CYP20A1: variants seen among roughly 807,000 people sequenced by gnomAD.
CYP20A1 encodes cytochrome P450 20A1.
CYP20A1 carries 61 observed loss-of-function variants against 61.4 expected under a neutral mutation model. That is an observed-to-expected ratio of 0.99 (90% CI 0.81 to 1.23). The LOEUF (loss-of-function observed/expected upper bound fraction) is 1.23, where lower values mean the gene tolerates loss of function less well. CYP20A1 is among the 50% of genes most tolerant of loss of function. CYP20A1 has a pLI of 0.00. For synonymous variants in CYP20A1, 193 were observed against 188.2 expected (o/e 1.03, Z -0.21); for missense variants, 530 against 542.4 (o/e 0.98, Z 0.23).
intron 7 of CYP20A1, among the ~76,000 whole-genome samples, chr2:203,279,304 A>G (rs1018730238): frequency 3.9e-5 from 6 of 152,210 alleles, no homozygotes; most frequent in Non-Finnish European, 8.8e-5. Flanking sequence ...TGGTAGTACA[A>G]GTACTTGGTC....
rs914474886 is a variant in CYP20A1 at position 203,302,088 on chromosome 2, G to A, written c.*5180G>A. ...TTGCAAACATGTGCCACCACACCTG[G>A]CTAATTTTTGTGTTTTTAGTACAGA... On this transcript the variant is annotated 3_prime_UTR_variant, in exon 13 of 13. Coordinates refer to ENST00000356079, the MANE Select transcript of CYP20A1 (RefSeq NM_177538.3). Among the ~76,000 whole-genome samples, 2 of 152,040 alleles carry A rather than the reference G, an allele frequency of 1.3e-5. No individual in the cohort carries two copies. Among genetic ancestry groups the A allele is most frequent in the African/African-American group, 4.8e-5 (2 of 41,406 alleles).
chr2:203,288,486 G>A (rs534362715), intron 9 of CYP20A1, among the ~76,000 whole-genome samples: 1 of 151,938 alleles, frequency 6.6e-6, no homozygotes, highest in African/African-American at 2.4e-5. Context: ...CATCCTTTAT[G>A]TCCTATCCAA....
chr2:203,268,527 A>G (rs1370813864), intron 5 of CYP20A1, among the ~76,000 whole-genome samples: 1 of 151,974 alleles, frequency 6.6e-6, no homozygotes, highest in East Asian at 1.9e-4. Flanking sequence ...TTTTCTTAAT[A>G]TTACTAAAAG....
intron 4 of CYP20A1, among the ~76,000 whole-genome samples, chr2:203,257,556 G>A (rs1041245340): frequency 6.6e-6 from 1 of 151,904 alleles, no homozygotes; most frequent in Admixed American, 6.6e-5. Flanking sequence ...TTGGGGGGCC[G>A]ACGCAGGTGG....
chr2:203,242,714 C>T (rs765934759), intron 1 of CYP20A1, among the ~76,000 whole-genome samples: 1 of 151,804 alleles, frequency 6.6e-6, no homozygotes, highest in Non-Finnish European at 1.5e-5. Context: ...TCGCTTGAGC[C>T]TGGGAGATCG....
In CYP20A1 at chr2:203,285,661, A is replaced by C; in HGVS notation, c.900A>C (p.Lys300Asn). ...TAACCACCTCTGAAGAAGTTCAAAA[A>C]AAATTATATGAAGAGATAAACCAAG... The part of the protein sequence containing the change: ...CFLTTSEEVQ[K>N]KLYEEINQVF... The change falls in exon 9 of 13, where the codon AAA becomes AAC. Residue 300 changes from lysine to asparagine, a missense_variant. Transcript: ENST00000356079. 6.2e-7 allele frequency: 1 copy of C among 1,606,740 alleles called. No homozygotes were observed. Among genetic ancestry groups the C allele is most frequent in the Non-Finnish European group, 8.5e-7 (1 of 1,178,422 alleles).
Position 203,266,773 on chromosome 2 carries a change from G to A in CYP20A1, c.600+92G>A, listed in dbSNP as rs538836813. 1.1e-5 allele frequency: 12 copies of A among 1,074,972 alleles called. No homozygotes were observed. In the South Asian group the frequency reaches 1.1e-4, roughly 10 times the overall value. 66.6% of individuals were successfully genotyped at this position (1,074,972 alleles called of 1,614,324 possible). ...CAGCACTTTGGGAGGCTGCAGTCAG[G>A]AGTTAAAGACCAGCCTGCCCCACAT... On this transcript the variant is annotated intron_variant, in intron 5 of 12. Coordinates refer to ENST00000356079, the MANE Select transcript of CYP20A1 (RefSeq NM_177538.3).
rs1484367066 is a variant in CYP20A1, at chr2:203,305,837, G to T, written c.*8929G>T. 6.6e-6 allele frequency among the ~76,000 whole-genome samples: 1 copy of T among 152,072 alleles called. No individual in the cohort carries two copies. Among genetic ancestry groups the T allele is most frequent in the Non-Finnish European group, 1.5e-5 (1 of 68,014 alleles). ...ACATAGAATAAAGGAAATTATTAAT[G>T]TTACTTAATAGTTTAAAAAAATTCA... On this transcript the variant is annotated 3_prime_UTR_variant, in exon 13 of 13. Transcript: ENST00000356079.
At chr2:203,276,462 A>G (rs1013314959) in intron 6 of CYP20A1, among the ~76,000 whole-genome samples, 1 of 152,166 alleles carries the variant, frequency 6.6e-6, no homozygotes, top group Non-Finnish European at 1.5e-5. Context: ...TAAACCAGGC[A>G]TGAGAGATAA....
chr2:203,253,095 T>C (rs1177451636), intron 4 of CYP20A1, among the ~76,000 whole-genome samples: 1 of 151,966 alleles, frequency 6.6e-6, no homozygotes, highest in African/African-American at 2.4e-5. Context: ...TCATATGAAT[T>C]GACGAGCCAC....
intron 4 of CYP20A1, among the ~76,000 whole-genome samples, chr2:203,258,429 C>T (rs1203489780): frequency 6.6e-6 from 1 of 150,870 alleles, no homozygotes; most frequent in Non-Finnish European, 1.5e-5. Context: ...ATGTTGAATG[C>T]CATTTTTCCC....
chr2:203,269,889 A>G (rs1344548752), intron 5 of CYP20A1, among the ~76,000 whole-genome samples: 1 of 152,130 alleles, frequency 6.6e-6, no homozygotes, highest in East Asian at 1.9e-4. Flanking sequence ...TCAGCCTCCC[A>G]AAGTGCTGGG....
At chr2:203,269,096 G>A (rs1333052827) in intron 5 of CYP20A1, among the ~76,000 whole-genome samples, 1 of 152,048 alleles carries the variant, frequency 6.6e-6, no homozygotes, top group Non-Finnish European at 1.5e-5. Context: ...CAATATTAGT[G>A]TGCTCTTACT....
chr2:203,252,529 G>C (rs1352339075), intron 4 of CYP20A1, among the ~76,000 whole-genome samples: 3 of 151,932 alleles, frequency 2.0e-5, no homozygotes, highest in African/African-American at 7.3e-5. Flanking sequence ...CTAGTAGCTG[G>C]GATTACAGGT....
At chr2:203,245,424 G>T (rs1218156435) in intron 1 of CYP20A1, among the ~76,000 whole-genome samples, 1 of 151,434 alleles carries the variant, frequency 6.6e-6, no homozygotes, top group Admixed American at 6.6e-5. Context: ...TATCAAGGGG[G>T]TTTGTTGTAC....
intron 8 of CYP20A1, among the ~76,000 whole-genome samples, chr2:203,282,332 A>G (rs2068077189): frequency 6.6e-6 from 1 of 151,804 alleles, no homozygotes; most frequent in African/African-American, 2.4e-5. Context: ...GCCTTATTCA[A>G]CCTTTTTTTA....
At position 203,246,867 on chromosome 2, in the gene CYP20A1, G is replaced by T. The variant is rs201628887; in HGVS notation, c.235G>T (p.Val79Phe). Residue 79 changes from valine to phenylalanine, a missense_variant, in exon 3 of 13, where the codon GTT becomes TTT. Transcript: ENST00000356079. The stretch of plus-strand genomic sequence containing the variant: ...CTTCTGGTTTGGCAGGCGCCTCGTG[G>T]TTAGTTTGGGCACTGTTGATGTACT... The part of the protein sequence containing the change: ...VSFWFGRRLV[V>F]SLGTVDVLKQ... 6.2e-7 allele frequency: 1 copy of T among 1,614,050 alleles called. No homozygotes were observed. The highest frequency in any genetic ancestry group is 8.5e-7 in the Non-Finnish European group (1 of 1,180,032).
At chr2:203,269,279 A>ATTTTTTTT (rs528970568) in intron 5 of CYP20A1, among the ~76,000 whole-genome samples, 2 of 125,292 alleles carry the variant, frequency 1.6e-5, no homozygotes, top group Non-Finnish European at 3.3e-5. Context: ...CCTGTCTCCA[A>ATTTTTTTT]TTTTTTTTTT....
At chr2:203,257,254 A>T (rs1293367237) in intron 4 of CYP20A1, among the ~76,000 whole-genome samples, 1 of 150,328 alleles carries the variant, frequency 6.7e-6, no homozygotes, top group Non-Finnish European at 1.5e-5. Flanking sequence ...TGGGAGGCAG[A>T]GGTTGCAGTG....
Sources: allele counts gnomAD v4.1 joint callset (sites outside exome capture counted in the v4.1 genomes callset), GRCh38; gene constraint gnomAD v4.1.1; transcripts MANE v1.5; gene names NCBI Gene and HGNC (gene_info 2026-07-23, HGNC 2026-07-21).